Variants in LYN observed in about 807,000 individuals in gnomAD.
The protein encoded by LYN is LYN proto-oncogene, Src family tyrosine kinase.
LYN carries 12 observed loss-of-function variants against 65.0 expected under a neutral mutation model. The observed-to-expected ratio is 0.18, with a 90% confidence interval of 0.12 to 0.30. The LOEUF (loss-of-function observed/expected upper bound fraction) is 0.30. Among genes scored for constraint, LYN ranks in the 10% least tolerant of loss-of-function variants. LYN has a pLI of 1.00. For missense variants in LYN, 380 were observed against 623.2 expected (o/e 0.61, Z 4.16); for synonymous variants, 222 against 221.2 (o/e 1.00, Z -0.03).
chr8:55,966,193 A>T (rs1167496171), intron 8 of LYN, among the ~76,000 whole-genome samples: 1 of 152,306 alleles, frequency 6.6e-6, no homozygotes, highest in East Asian at 1.9e-4. Flanking sequence ...CTACTATTTC[A>T]TAGAAACCTT....
intron 1 of LYN, among the ~76,000 whole-genome samples, chr8:55,932,441 A>G (rs1215232100): frequency 6.6e-6 from 1 of 151,516 alleles, no homozygotes; most frequent in Non-Finnish European, 1.5e-5. Flanking sequence ...GTTTTTTTTT[A>G]GATGGAGCCT....
chr8:55,964,051 T>G (rs1179955000), intron 8 of LYN, among the ~76,000 whole-genome samples: 1 of 152,234 alleles, frequency 6.6e-6, no homozygotes, highest in African/African-American at 2.4e-5. Context: ...AAGGCCATAT[T>G]GCTTGTAATT....
chr8:55,994,704 G>C (rs147547214), intron 10 of LYN, among the ~76,000 whole-genome samples: 2 of 152,320 alleles, frequency 1.3e-5, no homozygotes, highest in African/African-American at 4.8e-5. Flanking sequence ...ACTTCAGCCA[G>C]CTTTGGCTTC....
In LYN at chr8:55,905,415, AAAAG is replaced by A. The variant is rs869260792; in HGVS notation, c.-6+25338_-6+25341del. Among the ~76,000 whole-genome samples the A allele has an allele frequency of 9.0e-3, 38 of 4,242 alleles. 1 individual carries two copies. Among genetic ancestry groups the A allele is most frequent in the Non-Finnish European group, 0.027 (32 of 1,170 alleles). 2.8% of individuals were successfully genotyped at this position (4,242 alleles called of 152,430 possible). A position where few individuals can be genotyped will look rare whatever the true frequency, so the allele number is the denominator to read the frequency against. ...CAAGAGTGAAACTCCGTCTCAAAAA[AAAAG>A]AAAGAAAGAAAGAAAGAAAGAAAGA... On this transcript the variant is annotated intron_variant, in intron 1 of 12. Coordinates refer to ENST00000519728, the MANE Select transcript of LYN (RefSeq NM_002350.4).
chr8:55,919,408 G>A (rs529618995), intron 1 of LYN, among the ~76,000 whole-genome samples: 12 of 152,108 alleles, frequency 7.9e-5, no homozygotes, highest in Non-Finnish European at 1.0e-4. Context: ...TTAATATAGT[G>A]CTTTTCATAG....
chr8:55,916,794 T>A (rs1296009023), intron 1 of LYN, among the ~76,000 whole-genome samples: 1 of 152,118 alleles, frequency 6.6e-6, no homozygotes, highest in Non-Finnish European at 1.5e-5. Context: ...GACAGAAAAA[T>A]AAAACATCAG....
At chr8:56,003,357 G>A (rs1022870889) in intron 12 of LYN, among the ~76,000 whole-genome samples, 17 of 151,934 alleles carry the variant, frequency 1.1e-4, no homozygotes, top group African/African-American at 3.9e-4. Flanking sequence ...CACCTCACTC[G>A]ACCTGTGTTG....
rs1807474457 is a variant in LYN at position 55,966,888 on chromosome 8, A to T, written c.964A>T (p.Met322Leu). ...EEPIYIITEY[M>L]AKGSLLDFLK... ...GCCCATTTACATCATCACCGAGTAC[A>T]TGGCCAAGGGTGAGTTCCTCCCACT... Residue 322 changes from methionine to leucine, a missense_variant, in exon 9 of 13, where the codon ATG becomes TTG. Coordinates refer to ENST00000519728, the MANE Select transcript of LYN (RefSeq NM_002350.4). The T allele has an allele frequency of 6.2e-7, 1 of 1,613,638 alleles. No individual in the cohort carries two copies. The highest frequency in any genetic ancestry group is 1.3e-5 in the African/African-American group (1 of 75,002).
At chr8:55,985,750 GT>G (rs1808056751) in intron 10 of LYN, among the ~76,000 whole-genome samples, 1 of 152,212 alleles carries the variant, frequency 6.6e-6, no homozygotes, top group African/African-American at 2.4e-5. Flanking sequence ...GGCAAGGACT[GT>G]TTAGTGGACC....
chr8:55,903,143 G>A (rs1273501710), intron 1 of LYN, among the ~76,000 whole-genome samples: 4 of 152,086 alleles, frequency 2.6e-5, no homozygotes, highest in Middle Eastern at 3.4e-3. Flanking sequence ...CACTGCGCCC[G>A]GCCTACGCCC....
chr8:55,909,642 T>C (rs994119379), intron 1 of LYN, among the ~76,000 whole-genome samples: 3 of 152,258 alleles, frequency 2.0e-5, no homozygotes, highest in African/African-American at 2.4e-5. Context: ...GCATCAATGG[T>C]AGTTCCAGTT....
intron 1 of LYN, among the ~76,000 whole-genome samples, chr8:55,934,159 G>A (rs1350451354): frequency 6.6e-6 from 1 of 152,204 alleles, no homozygotes; most frequent in Non-Finnish European, 1.5e-5. Flanking sequence ...CCAGGAGGCA[G>A]AGGTTGCAGT....
intron 10 of LYN, among the ~76,000 whole-genome samples, chr8:55,985,187 G>A (rs1808042556): frequency 6.6e-6 from 1 of 152,188 alleles, no homozygotes; most frequent in Non-Finnish European, 1.5e-5. Context: ...TTCTCTCACT[G>A]CTCTAAGTGA....
intron 12 of LYN, among the ~76,000 whole-genome samples, chr8:56,006,919 C>T (rs1281542540): frequency 2.0e-5 from 3 of 152,218 alleles, no homozygotes; most frequent in African/African-American, 4.8e-5. Flanking sequence ...TTATTTATTG[C>T]TTTCCTTGTA....
At chr8:55,890,217 C>G (rs1266075327) in intron 1 of LYN, among the ~76,000 whole-genome samples, 1 of 151,190 alleles carries the variant, frequency 6.6e-6, no homozygotes, top group Non-Finnish European at 1.5e-5. Flanking sequence ...GAGACTGAGG[C>G]AGGAGGATTG....
intron 10 of LYN, among the ~76,000 whole-genome samples, chr8:55,986,257 A>G (rs574803986): frequency 2.6e-5 from 4 of 151,620 alleles, no homozygotes; most frequent in African/African-American, 9.7e-5. Flanking sequence ...TCCTAGTGAC[A>G]TTACAAATAG....
chr8:55,974,942 G>A (rs187229810), intron 10 of LYN, among the ~76,000 whole-genome samples: 349 of 152,216 alleles, frequency 2.3e-3, no homozygotes, highest in Non-Finnish European at 3.4e-3. Flanking sequence ...GGCCAGATCC[G>A]CTCCCCACTC....
intron 1 of LYN, among the ~76,000 whole-genome samples, chr8:55,922,340 T>C (rs1210470635): frequency 6.6e-6 from 1 of 152,098 alleles, no homozygotes; most frequent in East Asian, 1.9e-4. Flanking sequence ...TTCTCCTGCC[T>C]CAGCCTCCCC....
At chr8:55,993,760 C>G (rs1193710608) in intron 10 of LYN, among the ~76,000 whole-genome samples, 1 of 152,184 alleles carries the variant, frequency 6.6e-6, no homozygotes, top group African/African-American at 2.4e-5. Context: ...TACCTACCCA[C>G]CTACCTATCA....
Sources: gnomAD v4.1 joint callset for allele counts (sites outside exome capture counted in the v4.1 genomes callset) on GRCh38, gnomAD v4.1.1 for gene constraint, MANE v1.5 for transcripts, NCBI Gene and HGNC (gene_info 2026-07-23, HGNC 2026-07-21) for gene names.